Variants in CHD9 observed in about 807,000 individuals in gnomAD.
The protein encoded by CHD9 is ATP-dependent chromatin remodeler CHD9.
Under a neutral mutation model 316.1 loss-of-function variants are expected in CHD9, and 77 were observed. That is an observed-to-expected ratio of 0.24 (90% confidence interval 0.20 to 0.29). CHD9 has a LOEUF of 0.29. CHD9 is among the 10% of genes least tolerant of loss of function. The pLI is 1.00. For synonymous variants in CHD9, 1,129 were observed against 1,158.3 expected, an observed-to-expected ratio of 0.97 and a Z score of 0.51; for missense variants, 2,763 against 3,438.1, an observed-to-expected ratio of 0.80 and a Z score of 4.91.
At chr16:53,162,400 T>C (rs2041974528) in intron 2 of CHD9, among the ~76,000 whole-genome samples, 1 of 152,244 alleles carries the variant, frequency 6.6e-6, no homozygotes, top group African/African-American at 2.4e-5. Flanking sequence ...GAGAGAATAA[T>C]ACTCTGAACT....
intron 2 of CHD9, among the ~76,000 whole-genome samples, chr16:53,202,524 T>C (rs2045551443): frequency 6.6e-6 from 1 of 152,174 alleles, no homozygotes; most frequent in Non-Finnish European, 1.5e-5. Flanking sequence ...CTATGGAGTT[T>C]CCTACACTCT....
At chr16:53,282,110 CTG>C (rs1406809661) in intron 24 of CHD9, among the ~76,000 whole-genome samples, 7 of 152,170 alleles carry the variant, frequency 4.6e-5, no homozygotes. Flanking sequence ...GGACTGCTCT[CTG>C]TGGATTGTAC....
chr16:53,094,155 GAGA>G (rs1448952962), intron 1 of CHD9, among the ~76,000 whole-genome samples: 1 of 152,244 alleles, frequency 6.6e-6, no homozygotes, highest in Non-Finnish European at 1.5e-5. Context: ...CAGAGCAGGA[GAGA>G]AGGTGTCTAG....
intron 2 of CHD9, among the ~76,000 whole-genome samples, chr16:53,201,329 T>A (rs1009875449): frequency 6.6e-6 from 1 of 152,254 alleles, no homozygotes; most frequent in Non-Finnish European, 1.5e-5. Context: ...TGTTTTTAGA[T>A]CATGTATGAC....
intron 3 of CHD9, among the ~76,000 whole-genome samples, chr16:53,216,453 A>T (rs2046770477): frequency 6.6e-6 from 1 of 152,178 alleles, no homozygotes; most frequent in South Asian, 2.1e-4. Flanking sequence ...TTGATATTAG[A>T]TATCTGTTAA....
intron 19 of CHD9, among the ~76,000 whole-genome samples, chr16:53,261,045 C>T (rs189859970): frequency 7.8e-6 from 1 of 128,366 alleles, no homozygotes; most frequent in African/African-American, 3.0e-5. Flanking sequence ...CAAAGAAATA[C>T]AAAATTAGTT....
At chr16:53,175,590 T>G (rs2043047586) in intron 2 of CHD9, among the ~76,000 whole-genome samples, 1 of 152,250 alleles carries the variant, frequency 6.6e-6, no homozygotes, top group Non-Finnish European at 1.5e-5. Context: ...AATATGGAAT[T>G]GTCATAATTG....
At chr16:53,159,248 A>G (rs949433026) in intron 2 of CHD9, among the ~76,000 whole-genome samples, 5 of 152,180 alleles carry the variant, frequency 3.3e-5, no homozygotes, top group African/African-American at 1.2e-4. Flanking sequence ...CACCACTGCC[A>G]GTCTAGGCAT....
Position 53,156,070 on chromosome 16 carries a change from A to G in CHD9, c.-20A>G, listed in dbSNP as rs2041500983. The G allele has an allele frequency of 6.2e-7, 1 of 1,601,238 alleles. No homozygotes were observed. The highest frequency in any genetic ancestry group is 8.5e-7 in the Non-Finnish European group (1 of 1,173,580). On this transcript the variant is annotated 5_prime_UTR_variant, in exon 2 of 39. Transcript: ENST00000447540. ...ACTCCATTTGGAGTGAACAGCCCGGATTGTTACAGAATTTTCAAGATGACA... is the reference window on the plus strand; with the variant it reads ...ACTCCATTTGGAGTGAACAGCCCGGGTTGTTACAGAATTTTCAAGATGACA...
intron 36 of CHD9, among the ~76,000 whole-genome samples, chr16:53,316,906 A>G (rs141992097): frequency 1.2e-3 from 188 of 152,294 alleles, no homozygotes; most frequent in African/African-American, 3.7e-3. Flanking sequence ...ATATAGAATT[A>G]TTAAGAAGAT....
intron 12 of CHD9, among the ~76,000 whole-genome samples, chr16:53,242,556 A>G (rs1400962052): frequency 6.6e-6 from 1 of 152,214 alleles, no homozygotes; most frequent in Non-Finnish European, 1.5e-5. Flanking sequence ...GCCCAAAATT[A>G]TTATAATTCT....
At chr16:53,172,194 A>C (rs2042808151) in intron 2 of CHD9, among the ~76,000 whole-genome samples, 1 of 151,778 alleles carries the variant, frequency 6.6e-6, no homozygotes, top group African/African-American at 2.4e-5. Context: ...TCTTCCTTCC[A>C]TCTCCTCCTT....
intron 1 of CHD9, among the ~76,000 whole-genome samples, chr16:53,114,545 A>G (rs566209346): frequency 1.3e-5 from 2 of 151,950 alleles, no homozygotes; most frequent in South Asian, 4.2e-4. Flanking sequence ...GGCGTGAGCC[A>G]CTGCGCCTGG....
At chr16:53,143,998 C>T (rs1597136422) in intron 1 of CHD9, among the ~76,000 whole-genome samples, 1 of 151,952 alleles carries the variant, frequency 6.6e-6, no homozygotes, top group Admixed American at 6.6e-5. Context: ...AGGCATAGAA[C>T]ATTATAGATG....
intron 22 of CHD9, among the ~76,000 whole-genome samples, chr16:53,272,953 GTGGCGCA>G (rs972007895): frequency 6.6e-6 from 1 of 152,116 alleles, no homozygotes; most frequent in African/African-American, 2.4e-5. Flanking sequence ...GCCAGGCGTG[GTGGCGCA>G]TGCCTGTAAT....
intron 2 of CHD9, among the ~76,000 whole-genome samples, chr16:53,169,930 A>G (rs2042558459): frequency 6.6e-6 from 1 of 152,072 alleles, no homozygotes; most frequent in Non-Finnish European, 1.5e-5. Context: ...ACCTAATACA[A>G]GTGTTCCCTG....
intron 30 of CHD9, 35 bp from the exon 31 acceptor site, chr16:53,303,685 G>A: frequency 2.8e-6 from 4 of 1,425,852 alleles, no homozygotes; most frequent in Non-Finnish European, 1.9e-6. Flanking sequence ...AAGGATTTTT[G>A]AGATTAATAT....
At chr16:53,252,809 A>C (rs1455748765) in intron 17 of CHD9, among the ~76,000 whole-genome samples, 1 of 152,234 alleles carries the variant, frequency 6.6e-6, no homozygotes, top group African/African-American at 2.4e-5. Context: ...GGTCAACATC[A>C]CTAATGATCA....
rs1377282342 is a variant in CHD9, at chr16:53,306,274, C to T, written c.6657C>T (p.Ser2219=). Residue 2219 remains serine (S), a synonymous_variant, in exon 32 of 39, where the codon AGC becomes AGT. Transcript: ENST00000447540. The stretch of plus-strand genomic sequence containing the variant: ...ACATGAAAGCCTATGATGAAGAAAG[C>T]GTCGCGTCACTGAGCACTACCCAGG... ...TTHMKAYDEE[S]VASLSTTQDE... 16 of 1,591,682 alleles carry T rather than the reference C, an allele frequency of 1.0e-5. No homozygotes were observed. Among genetic ancestry groups the T allele is most frequent in the Admixed American group, 1.8e-5 (1 of 55,170 alleles).
Sources: gnomAD v4.1 joint callset for allele counts (sites outside exome capture counted in the v4.1 genomes callset) on GRCh38, gnomAD v4.1.1 for gene constraint, MANE v1.5 for transcripts, NCBI Gene and HGNC (gene_info 2026-07-23, HGNC 2026-07-21) for gene names.